Variants in UBE2G1 observed in about 807,000 individuals in gnomAD.
UBE2G1 encodes ubiquitin conjugating enzyme E2 G1, also known as ubiquitin-conjugating enzyme E2 G1.
UBE2G1 carries 5 observed loss-of-function variants against 22.7 expected under a neutral mutation model. The observed-to-expected ratio is 0.22, with a 90% CI of 0.12 to 0.46. The LOEUF (loss-of-function observed/expected upper bound fraction) is 0.46. Among genes scored for constraint, UBE2G1 ranks in the 20% least tolerant of loss-of-function variants. UBE2G1 has a pLI of 0.99. For missense variants in UBE2G1, 88 were observed against 203.9 expected (o/e 0.43, Z 3.46); for synonymous variants, 74 against 67.5 (o/e 1.10, Z -0.47).
chr17:4,326,819 G>A (rs1969507984), intron 1 of UBE2G1, among the ~76,000 whole-genome samples: 1 of 152,210 alleles, frequency 6.6e-6, no homozygotes, highest in Non-Finnish European at 1.5e-5. Flanking sequence ...TATGCCAAGT[G>A]CAATAAGCCA....
intron 2 of UBE2G1, among the ~76,000 whole-genome samples, chr17:4,297,717 T>C (rs1969128514): frequency 6.6e-6 from 1 of 152,208 alleles, no homozygotes; most frequent in South Asian, 2.1e-4. Flanking sequence ...GGTACTCAGC[T>C]TAAACGTTAC....
intron 1 of UBE2G1, among the ~76,000 whole-genome samples, chr17:4,358,003 GA>G (rs1000321494): frequency 2.8e-5 from 4 of 142,654 alleles, no homozygotes; most frequent in East Asian, 2.0e-4. Context: ...TCTTAAAAAA[GA>G]AAAAAAAAAG....
intron 1 of UBE2G1, among the ~76,000 whole-genome samples, chr17:4,347,779 T>C (rs1054917054): frequency 1.3e-5 from 2 of 152,092 alleles, no homozygotes; most frequent in African/African-American, 4.8e-5. Context: ...CCTGGCCAGT[T>C]TTTTTCATTA....
intron 5 of UBE2G1, 101 bp downstream of exon 5, chr17:4,282,697 T>C: frequency 1.4e-6 from 1 of 730,442 alleles, no homozygotes; most frequent in East Asian, 2.8e-5. Flanking sequence ...AAAAATGAAG[T>C]CAATGAAAAA....
chr17:4,346,166 T>G (rs1055953058), intron 1 of UBE2G1, among the ~76,000 whole-genome samples: 6 of 152,184 alleles, frequency 3.9e-5, no homozygotes, highest in Non-Finnish European at 8.8e-5. Flanking sequence ...TTCTACCTTC[T>G]GAAAGCCTTT....
At chr17:4,329,919 C>T (rs1234448075) in intron 1 of UBE2G1, among the ~76,000 whole-genome samples, 1 of 151,640 alleles carries the variant, frequency 6.6e-6, no homozygotes, top group African/African-American at 2.4e-5. Flanking sequence ...AGTTCCTAAT[C>T]GAATTAAGCC....
In UBE2G1 at chr17:4,290,861, C is replaced by A. The variant is rs188575143; in HGVS notation, c.248-1453G>T. On this transcript the variant is annotated intron_variant, in intron 3 of 5. Transcript: ENST00000396981. ...CCCAAACTGGGATTACAGGAAACAGCCCCTGCGCTGGCCGACAAATACTTT... is the reference window on the plus strand; with the variant it reads ...CCCAAACTGGGATTACAGGAAACAGACCCTGCGCTGGCCGACAAATACTTT... Among the ~76,000 whole-genome samples, 427 of 151,572 alleles carry A rather than the reference C, an allele frequency of 2.8e-3. 11 individuals carry two copies. The highest frequency in any genetic ancestry group is 0.022 in the Admixed American group (340 of 15,230).
At chr17:4,338,812 G>T (rs1969678915) in intron 1 of UBE2G1, among the ~76,000 whole-genome samples, 1 of 152,182 alleles carries the variant, frequency 6.6e-6, no homozygotes, top group Non-Finnish European at 1.5e-5. Context: ...GCCAGAGCTA[G>T]GCTCTGCTGC....
At chr17:4,301,574 G>C in intron 2 of UBE2G1, 1 of 1,336,902 alleles carries the variant, frequency 7.5e-7, no homozygotes, top group South Asian at 1.2e-5. Context: ...ATGTAGTTTT[G>C]TGTTTCTTTG....
At chr17:4,290,545 C>G (rs1969021253) in intron 3 of UBE2G1, among the ~76,000 whole-genome samples, 1 of 152,044 alleles carries the variant, frequency 6.6e-6, no homozygotes, top group South Asian at 2.1e-4. Flanking sequence ...GATCACAGCT[C>G]TATGCAGCCT....
chr17:4,289,489 A>G, intron 3 of UBE2G1, 81 bp from the exon 4 acceptor site: 1 of 1,378,766 alleles, frequency 7.3e-7, no homozygotes, highest in Non-Finnish European at 9.6e-7. Flanking sequence ...TGTGATCCTG[A>G]TTCACACAGT....
intron 1 of UBE2G1, among the ~76,000 whole-genome samples, chr17:4,352,569 G>C (rs1423232296): frequency 6.6e-6 from 1 of 152,172 alleles, no homozygotes; most frequent in Admixed American, 6.5e-5. Flanking sequence ...GATGTGGGAG[G>C]AAAAGCCAAG....
At chr17:4,311,978 G>A (rs1323015637) in intron 1 of UBE2G1, among the ~76,000 whole-genome samples, 1 of 152,168 alleles carries the variant, frequency 6.6e-6, no homozygotes, top group Non-Finnish European at 1.5e-5. Context: ...TGGGCACGGT[G>A]GCTCCCGCCT....
intron 1 of UBE2G1, among the ~76,000 whole-genome samples, chr17:4,318,078 A>C (rs769498568): frequency 3.3e-5 from 5 of 152,118 alleles, no homozygotes; most frequent in Non-Finnish European, 7.4e-5. Flanking sequence ...CTATTTTTTG[A>C]GTCTCATTTT....
chr17:4,296,195 C>A (rs1598184301), intron 3 of UBE2G1, among the ~76,000 whole-genome samples: 2 of 152,060 alleles, frequency 1.3e-5, no homozygotes, highest in Non-Finnish European at 2.9e-5. Flanking sequence ...TGGTTTAAAA[C>A]ACGAGTCTCA....
intron 4 of UBE2G1, 141 bp from the exon 5 acceptor site, chr17:4,283,062 G>T: frequency 1.5e-6 from 1 of 685,000 alleles, no homozygotes; most frequent in Non-Finnish European, 2.4e-6. Flanking sequence ...GTAGAAAGCA[G>T]TTAGACATAC....
chr17:4,316,281 G>T (rs983149428), intron 1 of UBE2G1, among the ~76,000 whole-genome samples: 1 of 152,088 alleles, frequency 6.6e-6, no homozygotes, highest in East Asian at 1.9e-4. Flanking sequence ...GTATATGTCT[G>T]TAAAGTAACT....
At chr17:4,276,807 G>GATCT (rs1968826601) in intron 5 of UBE2G1, among the ~76,000 whole-genome samples, 1 of 152,210 alleles carries the variant, frequency 6.6e-6, no homozygotes. Context: ...TGCAAGCTTA[G>GATCT]ACAAAGGGAG....
chr17:4,304,953 C>G, intron 2 of UBE2G1, among the ~76,000 whole-genome samples: 1 of 137,128 alleles, frequency 7.3e-6, no homozygotes, highest in Admixed American at 7.3e-5. Flanking sequence ...TTTTTAAGAA[C>G]TTTTTTTTTT....
Sources: allele counts gnomAD v4.1 joint callset (sites outside exome capture counted in the v4.1 genomes callset), GRCh38; gene constraint gnomAD v4.1.1; transcripts MANE v1.5; gene names NCBI Gene and HGNC (gene_info 2026-07-23, HGNC 2026-07-21).